The following ABRAXAS2 variants were observed in gnomAD, a reference collection of about 807,000 sequenced individuals.
ABRAXAS2 encodes abraxas 2, BRISC complex subunit.
A neutral mutation model predicts 49.0 loss-of-function variants in ABRAXAS2; 23 were observed. The observed-to-expected ratio is 0.47, with a 90% confidence interval of 0.34 to 0.66. The LOEUF (loss-of-function observed/expected upper bound fraction) is 0.66, where lower values mean the gene tolerates loss of function less well. Ranked by LOEUF, ABRAXAS2 falls within the 30% of genes least tolerant of loss-of-function variation. The pLI, the probability that ABRAXAS2 is intolerant of heterozygous loss-of-function variation, is 0.01. For missense variants in ABRAXAS2, 443 were observed against 511.9 expected (o/e 0.87, Z 1.30); for synonymous variants, 168 against 180.2 (o/e 0.93, Z 0.54).
At chr10:124,821,604 A>G (rs1489049218) in intron 4 of ABRAXAS2, among the ~76,000 whole-genome samples, 1 of 152,122 alleles carries the variant, frequency 6.6e-6, no homozygotes, top group Non-Finnish European at 1.5e-5. Context: ...ACAAATGGCC[A>G]AGAAACAACT....
intron 4 of ABRAXAS2, among the ~76,000 whole-genome samples, chr10:124,820,768 A>G (rs1278019940): frequency 1.3e-5 from 2 of 151,752 alleles, no homozygotes; most frequent in African/African-American, 4.8e-5. Flanking sequence ...GCCACCGCAG[A>G]CGGCCATGAA....
chr10:124,818,549 C>T (rs757627370), intron 3 of ABRAXAS2, among the ~76,000 whole-genome samples: 1 of 152,100 alleles, frequency 6.6e-6, no homozygotes, highest in African/African-American at 2.4e-5. Flanking sequence ...AGAAACAGAA[C>T]TGGAGCTGGA....
intron 2 of ABRAXAS2, among the ~76,000 whole-genome samples, chr10:124,813,218 A>G (rs531158663): frequency 3.6e-4 from 55 of 152,344 alleles, no homozygotes; most frequent in Non-Finnish European, 7.3e-4. Flanking sequence ...ACAAAAAAGA[A>G]TATCACATTT....
chr10:124,802,205 C>T (rs1306508979), intron 1 of ABRAXAS2, among the ~76,000 whole-genome samples: 2 of 152,186 alleles, frequency 1.3e-5, no homozygotes, highest in South Asian at 4.1e-4. Context: ...TCGGTGGAAA[C>T]CGAGCGCCTG....
chr10:124,829,575 TTA>T (rs1950917770), intron 7 of ABRAXAS2, 98 bp downstream of exon 7: 1 of 784,146 alleles, frequency 1.3e-6, no homozygotes, highest in Admixed American at 2.7e-5. Flanking sequence ...ACAAATAGAG[TTA>T]GGATCCGAAA....
intron 2 of ABRAXAS2, among the ~76,000 whole-genome samples, chr10:124,816,034 C>A (rs1199737139): frequency 6.6e-6 from 1 of 151,824 alleles, no homozygotes; most frequent in African/African-American, 2.4e-5. Context: ...TCCCAAGTAG[C>A]TGAGATTACA....
Position 124,834,501 on chromosome 10 carries a change from G to A in ABRAXAS2, c.779-1G>A, listed in dbSNP as rs773847800. The stretch of plus-strand genomic sequence containing the variant: ...TTAGAATATTCTTTGTTTTCATCCA[G>A]GATTGCAGCAGGCAGTGTTAAGCAG... On this transcript the variant is annotated splice_acceptor_variant, in intron 8 of 8. Coordinates refer to ENST00000298492, the MANE Select transcript of ABRAXAS2 (RefSeq NM_032182.4). LOFTEE classifies it high-confidence loss of function. 2.5e-6 allele frequency: 4 copies of A among 1,609,506 alleles called. No homozygotes were observed. Among genetic ancestry groups the A allele is most frequent in the Non-Finnish European group, 3.4e-6 (4 of 1,176,892 alleles).
At chr10:124,812,468 G>A (rs185808507) in intron 2 of ABRAXAS2, among the ~76,000 whole-genome samples, 150 of 152,158 alleles carry the variant, frequency 9.9e-4, no homozygotes, top group African/African-American at 3.4e-3. Context: ...AATATAGCGA[G>A]ACCCTGTCTC....
chr10:124,806,274 C>G (rs1950743096), intron 1 of ABRAXAS2, among the ~76,000 whole-genome samples: 1 of 151,312 alleles, frequency 6.6e-6, no homozygotes, highest in Non-Finnish European at 1.5e-5. Context: ...CCACTGCACT[C>G]CAGCCTGGGT....
At position 124,826,687 on chromosome 10, in the gene ABRAXAS2, C is replaced by G; in HGVS notation, c.360C>G (p.Leu120=). 1.2e-6 allele frequency: 2 copies of G among 1,614,206 alleles called. No individual in the cohort carries two copies. Among genetic ancestry groups the G allele is most frequent in the Non-Finnish European group, 8.5e-7 (1 of 1,180,028 alleles). ...TTCACAAGCAGCTCACCCGCATCCTCGGCGTGCCCGACCTCGTCTTTCTTC... is the reference window on the plus strand; with the variant it reads ...TTCACAAGCAGCTCACCCGCATCCTGGGCGTGCCCGACCTCGTCTTTCTTC... ...QVLHKQLTRI[L]GVPDLVFLLF... The change falls in exon 5 of 9, where the codon CTC becomes CTG. Residue 120 remains leucine, a synonymous_variant. Coordinates refer to ENST00000298492, the MANE Select transcript of ABRAXAS2 (RefSeq NM_032182.4).
chr10:124,828,105 C>T (rs1483311419), intron 5 of ABRAXAS2, among the ~76,000 whole-genome samples: 3 of 152,168 alleles, frequency 2.0e-5, no homozygotes, highest in Non-Finnish European at 4.4e-5. Flanking sequence ...TCCGTGAGAC[C>T]TTCCTGTTGG....
intron 4 of ABRAXAS2, among the ~76,000 whole-genome samples, chr10:124,821,963 C>CA (rs1237394929): frequency 1.3e-5 from 2 of 152,320 alleles, no homozygotes; most frequent in African/African-American, 2.4e-5. Context: ...TTAATCCTTG[C>CA]ACCAGACCCG....
chr10:124,806,633 T>C (rs552714400), intron 1 of ABRAXAS2, among the ~76,000 whole-genome samples, 198 bp from the exon 2 acceptor site: 1 of 152,352 alleles, frequency 6.6e-6, no homozygotes, highest in African/African-American at 2.4e-5. Flanking sequence ...CTTGTTATCC[T>C]TTTTTGGAAC....
intron 4 of ABRAXAS2, 57 bp from the exon 5 acceptor site, chr10:124,826,538 A>T: frequency 1.3e-6 from 2 of 1,533,450 alleles, no homozygotes; most frequent in Non-Finnish European, 1.8e-6. Context: ...GTTTGTATGG[A>T]TACATTCAGA....
At chr10:124,806,399 C>A (rs1950744463) in intron 1 of ABRAXAS2, among the ~76,000 whole-genome samples, 1 of 151,986 alleles carries the variant, frequency 6.6e-6, no homozygotes, top group African/African-American at 2.4e-5. Context: ...TCTATGCCAG[C>A]CTGTATAAAA....
intron 2 of ABRAXAS2, among the ~76,000 whole-genome samples, chr10:124,815,430 G>T (rs939860589): frequency 6.6e-6 from 1 of 152,076 alleles, no homozygotes; most frequent in Non-Finnish European, 1.5e-5. Flanking sequence ...TCCTGACCTC[G>T]CAATCCACCC....
intron 2 of ABRAXAS2, among the ~76,000 whole-genome samples, chr10:124,815,906 T>G (rs1950821860): frequency 6.7e-6 from 1 of 149,844 alleles, no homozygotes; most frequent in African/African-American, 2.5e-5. Context: ...TTTTTTTTTT[T>G]TTTTTTTTTA....
intron 4 of ABRAXAS2, among the ~76,000 whole-genome samples, chr10:124,821,704 G>A (rs1161991239): frequency 2.0e-5 from 3 of 152,214 alleles, no homozygotes; most frequent in South Asian, 2.1e-4. Context: ...AAAAAGGTTA[G>A]TAATACCCAG....
At chr10:124,819,035 A>C (rs1203872138) in intron 3 of ABRAXAS2, among the ~76,000 whole-genome samples, 2 of 152,232 alleles carry the variant, frequency 1.3e-5, no homozygotes, top group African/African-American at 4.8e-5. Context: ...TTCATTTCTC[A>C]GAAAATGAGC....
Sources: gnomAD v4.1 joint callset for allele counts (sites outside exome capture counted in the v4.1 genomes callset) on GRCh38, gnomAD v4.1.1 for gene constraint, MANE v1.5 for transcripts, NCBI Gene and HGNC (gene_info 2026-07-23, HGNC 2026-07-21) for gene names.